The following GRM5 variants were observed in gnomAD, a reference collection of about 807,000 sequenced individuals.
GRM5 encodes metabotropic glutamate receptor 5.
A neutral mutation model predicts 83.1 loss-of-function variants in GRM5; 19 were observed. The observed-to-expected ratio is 0.23, with a 90% confidence interval of 0.16 to 0.34. The LOEUF (loss-of-function observed/expected upper bound fraction) is 0.34, where lower values mean the gene tolerates loss of function less well. Among genes scored for constraint, GRM5 ranks in the 10% least tolerant of loss-of-function variants. GRM5 has a pLI of 1.00. For missense variants in GRM5, 1,160 were observed against 1,588.3 expected, an observed-to-expected ratio of 0.73 and a Z score of 4.58; for synonymous variants, 675 against 633.6, an observed-to-expected ratio of 1.07 and a Z score of -0.98.
intron 2 of GRM5, among the ~76,000 whole-genome samples, chr11:88,992,563 C>A (rs1049635503): frequency 6.6e-6 from 1 of 151,978 alleles, no homozygotes; most frequent in Admixed American, 6.6e-5. Flanking sequence ...AAGACACATG[C>A]ACATGTATGT....
At chr11:88,666,794 C>G (rs969342906) in intron 3 of GRM5, among the ~76,000 whole-genome samples, 1 of 152,168 alleles carries the variant, frequency 6.6e-6, no homozygotes, top group African/African-American at 2.4e-5. Flanking sequence ...TATAAACAAG[C>G]AACAGCAAAT....
At chr11:88,655,876 C>T (rs926614431) in intron 3 of GRM5, among the ~76,000 whole-genome samples, 1 of 151,942 alleles carries the variant, frequency 6.6e-6, no homozygotes, top group African/African-American at 2.4e-5. Context: ...AAAACAGGGT[C>T]ATTCTATTTA....
At position 88,991,083 on chromosome 11, in the gene GRM5, G is replaced by T. The variant is rs116015497; in HGVS notation, c.661+56129C>A. The stretch of plus-strand genomic sequence containing the variant: ...AGAGGAAGTCTGATTGTCCCTCTTT[G>T]CAGACGACATGATTGTGTATCTAGA... On this transcript the variant is annotated intron_variant, in intron 2 of 9. Transcript: ENST00000305447. Among the ~76,000 whole-genome samples, 1,090 of 152,292 alleles carry T rather than the reference G, an allele frequency of 7.2e-3. 17 individuals carry two copies. Among genetic ancestry groups the T allele is most frequent in the African/African-American group, 0.024 (988 of 41,544 alleles).
At chr11:88,568,021 G>A in intron 7 of GRM5, 29 bp from the exon 8 acceptor site, 1 of 1,456,890 alleles carries the variant, frequency 6.9e-7, no homozygotes, top group Non-Finnish European at 9.5e-7. Flanking sequence ...ATATTGTAAA[G>A]GAGGGAGAGA....
At chr11:88,776,465 T>G (rs925312225) in intron 3 of GRM5, among the ~76,000 whole-genome samples, 1 of 152,214 alleles carries the variant, frequency 6.6e-6, no homozygotes. Flanking sequence ...TATATGTGAA[T>G]TTGGTCTGGT....
intron 3 of GRM5, among the ~76,000 whole-genome samples, chr11:88,822,447 G>A (rs1311907910): frequency 6.6e-6 from 1 of 151,228 alleles, no homozygotes; most frequent in Non-Finnish European, 1.5e-5. Flanking sequence ...ACTTCACTGA[G>A]GAAGTGACAT....
intron 2 of GRM5, among the ~76,000 whole-genome samples, chr11:88,979,416 C>T (rs1473750936): frequency 2.0e-5 from 3 of 152,198 alleles, no homozygotes; most frequent in Non-Finnish European, 2.9e-5. Context: ...CATATTAATA[C>T]ATATATCAAG....
intron 7 of GRM5, among the ~76,000 whole-genome samples, chr11:88,570,572 T>TATATATATATATATATAC (rs1491417366): frequency 2.4e-5 from 1 of 42,408 alleles, no homozygotes; most frequent in African/African-American, 1.9e-4. Flanking sequence ...TATATATATA[T>TATATATATATATATATAC]TTTTTTTTTT....
intron 2 of GRM5, among the ~76,000 whole-genome samples, chr11:88,967,524 T>C (rs1939024643): frequency 6.6e-6 from 1 of 151,818 alleles, no homozygotes. Context: ...AGTGCATGCA[T>C]GAGAGAGCAA....
intron 3 of GRM5, among the ~76,000 whole-genome samples, chr11:88,808,752 T>C (rs1261936847): frequency 6.6e-6 from 1 of 151,990 alleles, no homozygotes; most frequent in Non-Finnish European, 1.5e-5. Context: ...TTAGTCTTCC[T>C]AGATGAACTC....
At chr11:88,812,990 G>A (rs1031152431) in intron 3 of GRM5, among the ~76,000 whole-genome samples, 1 of 151,826 alleles carries the variant, frequency 6.6e-6, no homozygotes, top group African/African-American at 2.4e-5. Flanking sequence ...TTATCTTTCT[G>A]TCTTACCTCC....
At chr11:88,539,251 A>G (rs1319368783) in intron 8 of GRM5, among the ~76,000 whole-genome samples, 1 of 152,134 alleles carries the variant, frequency 6.6e-6, no homozygotes, top group African/African-American at 2.4e-5. Context: ...CTATTTTTGT[A>G]TTCACATTTT....
intron 2 of GRM5, among the ~76,000 whole-genome samples, chr11:88,914,387 GTTTAGTGAGATTC>G (rs1462976768): frequency 6.6e-6 from 1 of 152,188 alleles, no homozygotes; most frequent in Admixed American, 6.5e-5. Context: ...TCCTAATGGA[GTTTAGTGAGATTC>G]TTGTGAGAGA....
intron 8 of GRM5, among the ~76,000 whole-genome samples, chr11:88,558,684 C>T (rs1330297968): frequency 6.6e-6 from 1 of 151,342 alleles, no homozygotes; most frequent in African/African-American, 2.4e-5. Context: ...CGCTTATAGT[C>T]CCACAACTTG....
At chr11:88,678,078 A>G (rs1940382871) in intron 3 of GRM5, among the ~76,000 whole-genome samples, 1 of 144,104 alleles carries the variant, frequency 6.9e-6, no homozygotes, top group African/African-American at 2.6e-5. Flanking sequence ...TTTTTTTTAG[A>G]GACAGTGTCT....
chr11:88,518,610 A>G (rs1209612041), intron 9 of GRM5, among the ~76,000 whole-genome samples: 1 of 151,988 alleles, frequency 6.6e-6, no homozygotes, highest in Non-Finnish European at 1.5e-5. Flanking sequence ...AGAATTTCCA[A>G]GAAGGGCATA....
chr11:88,925,738 C>A, intron 2 of GRM5: 2 of 453,566 alleles, frequency 4.4e-6, no homozygotes, highest in Non-Finnish European at 8.8e-6. Flanking sequence ...ATGACAAAAC[C>A]ACAACTCTAC....
intron 3 of GRM5, among the ~76,000 whole-genome samples, chr11:88,745,072 T>C (rs1432633667): frequency 6.6e-6 from 1 of 152,122 alleles, no homozygotes; most frequent in Non-Finnish European, 1.5e-5. Flanking sequence ...AATTGTTAAG[T>C]GACTTCACAA....
rs567433775 is a variant in GRM5 at position 89,051,105 on chromosome 11, C to A, written c.-200-3033G>T. The stretch of plus-strand genomic sequence containing the variant: ...GCCCCTGAATTTTTAATTTTAAATA[C>A]TTAAAATTAAAGTTAAAAAAAGAAA... On this transcript the variant is annotated intron_variant, in intron 1 of 9. Coordinates refer to ENST00000305447, the MANE Select transcript of GRM5 (RefSeq NM_001143831.3). Among the ~76,000 whole-genome samples, 10 of 151,788 alleles carry A rather than the reference C, an allele frequency of 6.6e-5. No homozygotes were observed. In the East Asian group the frequency reaches 1.4e-3, roughly 21 times the overall value.
Sources: allele counts gnomAD v4.1 joint callset (sites outside exome capture counted in the v4.1 genomes callset), GRCh38; gene constraint gnomAD v4.1.1; transcripts MANE v1.5; gene names NCBI Gene and HGNC (gene_info 2026-07-23, HGNC 2026-07-21).